KCTD19: variants seen among roughly 807,000 people sequenced by gnomAD.
KCTD19 encodes potassium channel tetramerization domain containing 19.
KCTD19 carries 67 observed loss-of-function variants against 103.5 expected under a neutral mutation model. That is an observed-to-expected ratio of 0.65 (90% CI 0.53 to 0.79). The LOEUF is 0.79. Among genes scored for constraint, KCTD19 ranks in the 30% least tolerant of loss-of-function variants. The pLI, the probability that KCTD19 is intolerant of heterozygous loss-of-function variation, is 0.00. For synonymous variants in KCTD19, 439 were observed against 452.2 expected (o/e 0.97, Z 0.37); for missense variants, 980 against 1,136.1 (o/e 0.86, Z 1.98).
chr16:67,309,685 T>C (rs981033801), intron 2 of KCTD19, among the ~76,000 whole-genome samples: 2 of 152,230 alleles, frequency 1.3e-5, no homozygotes, highest in East Asian at 3.9e-4. Flanking sequence ...CAACTCTAAA[T>C]TGGCCACGTG....
intron 7 of KCTD19, among the ~76,000 whole-genome samples, chr16:67,297,166 G>C (rs1246080385): frequency 2.6e-5 from 4 of 152,148 alleles, no homozygotes; most frequent in Non-Finnish European, 5.9e-5. Context: ...AATGGACCCA[G>C]GGACAGCTCT....
At chr16:67,322,577 C>T (rs1057198752) in intron 1 of KCTD19, among the ~76,000 whole-genome samples, 6 of 152,118 alleles carry the variant, frequency 3.9e-5, no homozygotes, top group Non-Finnish European at 5.9e-5. Flanking sequence ...GGATTACAGG[C>T]GTGAGCCACT....
chr16:67,295,133 C>T (rs929704146), intron 9 of KCTD19, 77 bp from the exon 10 acceptor site: 30 of 1,549,826 alleles, frequency 1.9e-5, no homozygotes, highest in Admixed American at 3.4e-5. Flanking sequence ...CTGGAACTGC[C>T]GCTGCCAACA....
rs73592836 is a variant in KCTD19, at chr16:67,291,776, G to A, written c.2280C>T (p.Ile760=). Residue 760 remains isoleucine (I), a synonymous_variant, in exon 13 of 16, where the codon ATC becomes ATT. Coordinates refer to ENST00000304372, the MANE Select transcript of KCTD19 (RefSeq NM_001100915.3). The part of the protein sequence containing the change: ...EASEVDSLGV[I]LKVTHPPVVG... Reference sequence around the variant, plus strand: ...CCACGGGGGGGTGAGTCACTTTGAGGATAACCCCTAGGCTGTCCACCTCAC... The same window carrying A: ...CCACGGGGGGGTGAGTCACTTTGAGAATAACCCCTAGGCTGTCCACCTCAC... 732 of 1,614,090 alleles carry A rather than the reference G, an allele frequency of 4.5e-4. No individual in the cohort carries two copies. In the African/African-American group the frequency reaches 8.6e-3, roughly 19 times the overall value.
chr16:67,291,197 C>T, intron 14 of KCTD19, 112 bp downstream of exon 14: 3 of 1,373,584 alleles, frequency 2.2e-6, no homozygotes, highest in Non-Finnish European at 2.0e-6. Flanking sequence ...CTGGCCTTCT[C>T]CTTAACCCCA....
rs903681102 is a variant in KCTD19 at position 67,300,762 on chromosome 16, C to T, written c.775+1029G>A. 1 of 152,520 alleles carries T rather than the reference C, an allele frequency of 6.6e-6. No individual in the cohort carries two copies. The highest frequency in any genetic ancestry group is 6.5e-5 in the Admixed American group (1 of 15,294). 9.4% of individuals were successfully genotyped at this position (152,520 alleles called of 1,614,324 possible). ...CTGGGTTCAAGCGATTCTCCTGCCT[C>T]AGCTTCCCAAGTAGTGGGATTACAG... is the stretch of plus-strand genomic sequence containing the variant. On this transcript the variant is annotated intron_variant, in intron 5 of 15. Transcript: ENST00000304372. The surrounding 1 kb of genome is among the most constrained non-coding windows in gnomAD (Gnocchi z 4.5).
Position 67,299,355 on chromosome 16 carries a change from G to A in KCTD19, c.986+8C>T. 1.2e-6 allele frequency: 2 copies of A among 1,613,750 alleles called. No individual in the cohort carries two copies. Among genetic ancestry groups the A allele is most frequent in the African/African-American group, 2.7e-5 (2 of 75,058 alleles). On this transcript the variant is annotated splice_region_variant and intron_variant, in intron 6 of 15. Transcript: ENST00000304372. ...ATGGGACTCAGTGTGCCCTAAGGAG[G>A]ACCTCACTTGACGTGCTGAAAGAGG... is the stretch of plus-strand genomic sequence containing the variant.
chr16:67,319,319 T>C (rs1434076934), intron 2 of KCTD19, among the ~76,000 whole-genome samples: 1 of 152,088 alleles, frequency 6.6e-6, no homozygotes, highest in East Asian at 1.9e-4. Flanking sequence ...CATGAAAACA[T>C]GCACTATGAA....
At chr16:67,325,450 GC>G (rs2037139245) in intron 1 of KCTD19, among the ~76,000 whole-genome samples, 2 of 151,232 alleles carry the variant, frequency 1.3e-5, no homozygotes, top group African/African-American at 2.4e-5. Context: ...CACTGTGTTA[GC>G]CAGGATGGTC....
intron 2 of KCTD19, among the ~76,000 whole-genome samples, chr16:67,306,089 T>C (rs2036890478): frequency 6.6e-6 from 1 of 152,194 alleles, no homozygotes. Flanking sequence ...CTGTCATTCA[T>C]TTGAGAAATA....
At chr16:67,326,583 C>A (rs1205007772) in intron 1 of KCTD19, 122 bp downstream of exon 1, 1 of 1,363,052 alleles carries the variant, frequency 7.3e-7, no homozygotes. Flanking sequence ...GGCTGGGGGC[C>A]CCTCGCTCTC....
chr16:67,295,305 T>G lies in KCTD19; in HGVS notation c.1349A>C (p.Asn450Thr), dbSNP rs1189469461. Reference sequence around the variant, plus strand: ...AAACAGTTTGCCAAGTCTCAGGAAGTTGAGAATGTGTCGGAACATCTGGCC... The same window carrying G: ...AAACAGTTTGCCAAGTCTCAGGAAGGTGAGAATGTGTCGGAACATCTGGCC... ...GDGQMFRHIL[N>T]FLRLGKLFLP... The change falls in exon 9 of 16, where the codon AAC (asparagine) becomes ACC (threonine). Residue 450 changes from asparagine (N) to threonine (T), a missense_variant. Asn to Thr is a moderately conservative substitution (Grantham distance 65). Transcript: ENST00000304372. 1 of 1,614,092 alleles carries G rather than the reference T, an allele frequency of 6.2e-7. No individual in the cohort carries two copies. The highest frequency in any genetic ancestry group is 8.5e-7 in the Non-Finnish European group (1 of 1,180,036).
At chr16:67,309,128 C>CAAAAAAAAA (rs60872060) in intron 2 of KCTD19, among the ~76,000 whole-genome samples, 1 of 75,908 alleles carries the variant, frequency 1.3e-5, no homozygotes, top group African/African-American at 4.3e-5. Context: ...GACTTCAGCT[C>CAAAAAAAAA]AAAAAAAAAA....
intron 7 of KCTD19, 95 bp from the exon 8 acceptor site, chr16:67,296,354 C>T (rs1050205906): frequency 1.3e-6 from 1 of 774,682 alleles, no homozygotes; most frequent in Admixed American, 1.8e-5. Flanking sequence ...CGTTAAGTCT[C>T]AATATCTTTC....
At chr16:67,291,089 A>T in intron 14 of KCTD19, 103 bp from the exon 15 acceptor site, 1 of 1,307,682 alleles carries the variant, frequency 7.6e-7, no homozygotes, top group Non-Finnish European at 1.1e-6. Flanking sequence ...CCACAGGGGT[A>T]GGGGGCGGGC....
At chr16:67,308,966 C>T (rs1211721236) in intron 2 of KCTD19, among the ~76,000 whole-genome samples, 1 of 151,968 alleles carries the variant, frequency 6.6e-6, no homozygotes, top group Non-Finnish European at 1.5e-5. Context: ...AACCCCAACT[C>T]TACTAAATAT....
chr16:67,308,123 C>T (rs974781826), intron 2 of KCTD19, among the ~76,000 whole-genome samples: 5 of 150,198 alleles, frequency 3.3e-5, no homozygotes, highest in African/African-American at 4.9e-5. Flanking sequence ...TCCTTCCTTC[C>T]TTCCTCCCTC....
intron 2 of KCTD19, among the ~76,000 whole-genome samples, chr16:67,312,907 G>A (rs543175659): frequency 6.6e-6 from 1 of 152,282 alleles, no homozygotes; most frequent in African/African-American, 2.4e-5. Context: ...TTGCTCTGCT[G>A]CAGTCTAGGC....
chr16:67,307,541 C>T (rs2036907085), intron 2 of KCTD19, among the ~76,000 whole-genome samples: 1 of 152,126 alleles, frequency 6.6e-6, no homozygotes, highest in Non-Finnish European at 1.5e-5. Flanking sequence ...GTCTCAAACT[C>T]CTGGACTCAA....
Sources: gnomAD v4.1 joint callset for allele counts (sites outside exome capture counted in the v4.1 genomes callset) on GRCh38, gnomAD v4.1.1 for gene constraint, Gnocchi (gnomAD v3.1) non-coding constraint, MANE v1.5 for transcripts, NCBI Gene and HGNC (gene_info 2026-07-23, HGNC 2026-07-21) for gene names.